Variants in RORA observed in about 807,000 individuals in gnomAD.
RORA encodes the protein nuclear receptor ROR-alpha.
A neutral mutation model predicts 69.5 loss-of-function variants in RORA; 7 were observed. That is an observed-to-expected ratio of 0.10 (90% CI 0.06 to 0.19). The LOEUF (loss-of-function observed/expected upper bound fraction) is 0.19. Among genes scored for constraint, RORA ranks in the 10% least tolerant of loss-of-function variants. The pLI, the probability that RORA is intolerant of heterozygous loss-of-function variation, is 1.00. For synonymous variants in RORA, 261 were observed against 240.8 expected, an observed-to-expected ratio of 1.08 and a Z score of -0.78; for missense variants, 457 against 663.0, an observed-to-expected ratio of 0.69 and a Z score of 3.41.
rs1008359950 is a variant in RORA, at chr15:61,095,627, A to T, written c.166+133426T>A. Among the ~76,000 whole-genome samples the T allele has an allele frequency of 2.6e-5, 4 of 152,210 alleles. No individual in the cohort carries two copies. In the South Asian group the frequency reaches 6.2e-4, roughly 24 times the overall value. Reference sequence around the variant, plus strand: ...GGACACAAAATCTAAAAGTATATAAACTAGAGGTTTTGAGCACTTTTTAAA... The same window carrying T: ...GGACACAAAATCTAAAAGTATATAATCTAGAGGTTTTGAGCACTTTTTAAA... On this transcript the variant is annotated intron_variant, in intron 1 of 10. Coordinates refer to ENST00000335670, the MANE Select transcript of RORA (RefSeq NM_134261.3).
chr15:60,861,078 C>T lies in RORA; in HGVS notation c.167-182392G>A, dbSNP rs117020250. Among the ~76,000 whole-genome samples, 168 of 152,256 alleles carry T rather than the reference C, an allele frequency of 1.1e-3. 1 individual carries two copies. The highest frequency in any genetic ancestry group is 5.2e-3 in the East Asian group (27 of 5,190). ...ATGCTCCAGCTTAGATCTCTGAAAACGACCTTTTGGCTGTTACTGAGGATG... is the reference window on the plus strand; with the variant it reads ...ATGCTCCAGCTTAGATCTCTGAAAATGACCTTTTGGCTGTTACTGAGGATG... On this transcript the variant is annotated intron_variant, in intron 1 of 10. Transcript: ENST00000335670.
chr15:61,178,977 A>G (rs1049474007), intron 1 of RORA, among the ~76,000 whole-genome samples: 6 of 152,214 alleles, frequency 3.9e-5, no homozygotes, highest in Non-Finnish European at 8.8e-5. Context: ...GTACAAAGAA[A>G]ATCTAAACAC....
intron 2 of RORA, among the ~76,000 whole-genome samples, chr15:60,538,726 G>C (rs10519053): frequency 0.048 from 7,374 of 152,060 alleles, 634 homozygotes; most frequent in African/African-American, 0.17. Flanking sequence ...GGCTTGTACG[G>C]TCTTGTCGGG....
At chr15:61,031,959 C>A (rs531243666) in intron 1 of RORA, among the ~76,000 whole-genome samples, 1 of 152,284 alleles carries the variant, frequency 6.6e-6, no homozygotes, top group South Asian at 2.1e-4. Flanking sequence ...GTTCCTCCTA[C>A]CTAATCTGCC....
chr15:61,197,888 A>G (rs569828452), intron 1 of RORA, among the ~76,000 whole-genome samples: 2 of 105,058 alleles, frequency 1.9e-5, no homozygotes, highest in Admixed American at 1.7e-4. Flanking sequence ...TGAAGGGAAG[A>G]TCCCTCCCAG....
Position 61,229,252 on chromosome 15 carries a change from C to T in RORA, c.-34G>A. 1 of 1,199,096 alleles carries T rather than the reference C, an allele frequency of 8.3e-7. No homozygotes were observed. Among genetic ancestry groups the T allele is most frequent in the Admixed American group, 3.5e-5 (1 of 28,414 alleles). 74.3% of individuals were successfully genotyped at this position (1,199,096 alleles called of 1,614,324 possible). ...CCAATGTAGAGATCGCTGGAGATGGCGAGCTCCGAGACTCCCTCTATCTTC... is the reference window on the plus strand; with the variant it reads ...CCAATGTAGAGATCGCTGGAGATGGTGAGCTCCGAGACTCCCTCTATCTTC... On this transcript the variant is annotated 5_prime_UTR_variant, in exon 1 of 11. Transcript: ENST00000335670.
chr15:60,555,154 C>T (rs2067322134), intron 2 of RORA, among the ~76,000 whole-genome samples: 1 of 152,164 alleles, frequency 6.6e-6, no homozygotes, highest in South Asian at 2.1e-4. Context: ...AATGGCCTTT[C>T]TGTATGTCAG....
intron 4 of RORA, among the ~76,000 whole-genome samples, chr15:60,513,864 A>G (rs2065780665): frequency 6.6e-6 from 1 of 152,190 alleles, no homozygotes. Context: ...TTTTCCTTCA[A>G]AGGGATCTCT....
At chr15:60,558,183 T>A (rs1430879057) in intron 2 of RORA, 1 of 1,385,054 alleles carries the variant, frequency 7.2e-7, no homozygotes, top group Non-Finnish European at 1.0e-6. Context: ...CTCCATGGTC[T>A]CTGGATGGAG....
At chr15:60,601,425 G>T (rs1428528419) in intron 2 of RORA, among the ~76,000 whole-genome samples, 3 of 152,046 alleles carry the variant, frequency 2.0e-5, no homozygotes, top group African/African-American at 7.2e-5. Context: ...CTTGAGGGAA[G>T]TTTATTTTGT....
In RORA at chr15:60,511,273, G is replaced by A. The variant is rs200220645; in HGVS notation, c.773C>T (p.Ser258Leu). ...TGGGGAAGTCTCGCCGTTGGTGAAC[G>A]AACAGTAGGGAAAGAAGCCTGATGC... ...TPASGFFPYC[S>L]FTNGETSPTV... The change falls in exon 5 of 11, where the codon TCG becomes TTG. Residue 258 changes from serine (S) to leucine (L), a missense_variant. Around this residue, in one of 3 missense-constraint regions of RORA, gnomAD observed 304 missense variants for 447.4 expected, o/e 0.68. Coordinates refer to ENST00000335670, the MANE Select transcript of RORA (RefSeq NM_134261.3). The surrounding 1 kb of genome is among the most constrained non-coding windows in gnomAD (Gnocchi z 6.4). 26 of 1,613,998 alleles carry A rather than the reference G, an allele frequency of 1.6e-5. No homozygotes were observed. The highest frequency in any genetic ancestry group is 4.5e-5 in the East Asian group (2 of 44,896).
intron 1 of RORA, among the ~76,000 whole-genome samples, chr15:60,717,796 C>CTTTT (rs10653856): frequency 0.01 from 956 of 91,898 alleles, 17 homozygotes; most frequent in East Asian, 0.022. Context: ...TTCTTTTTCT[C>CTTTT]TTTTTTTTTT....
intron 1 of RORA, among the ~76,000 whole-genome samples, chr15:60,790,437 T>C (rs1595716808): frequency 6.6e-6 from 1 of 152,220 alleles, no homozygotes; most frequent in Non-Finnish European, 1.5e-5. Flanking sequence ...AGTGGAAAGC[T>C]GTATTTCCTT....
chr15:60,715,342 A>G (rs776469084), intron 1 of RORA, among the ~76,000 whole-genome samples: 2 of 152,222 alleles, frequency 1.3e-5, no homozygotes, highest in Non-Finnish European at 2.9e-5. Context: ...TTTGAACACA[A>G]TGATGTGGCA....
intron 1 of RORA, among the ~76,000 whole-genome samples, chr15:60,791,051 A>G (rs1162814252): frequency 6.6e-6 from 1 of 150,666 alleles, no homozygotes; most frequent in Non-Finnish European, 1.5e-5. Flanking sequence ...GTTTATTGGG[A>G]AGAAAATGCA....
At chr15:61,091,216 A>G (rs2078701987) in intron 1 of RORA, among the ~76,000 whole-genome samples, 1 of 152,208 alleles carries the variant, frequency 6.6e-6, no homozygotes. Context: ...TGCTGAATAA[A>G]GGAAAAGTAA....
At chr15:60,514,046 G>A (rs987946103) in intron 4 of RORA, among the ~76,000 whole-genome samples, 6 of 152,114 alleles carry the variant, frequency 3.9e-5, no homozygotes, top group African/African-American at 9.7e-5. Flanking sequence ...AATGGTAGAC[G>A]GTCTCTATTC....
intron 1 of RORA, among the ~76,000 whole-genome samples, chr15:60,855,641 C>A (rs1376729068): frequency 6.6e-6 from 1 of 150,798 alleles, no homozygotes; most frequent in African/African-American, 2.5e-5. Flanking sequence ...TTTAATGAAA[C>A]TAAGTCTCGC....
intron 1 of RORA, among the ~76,000 whole-genome samples, chr15:61,122,541 T>C (rs1015734796): frequency 1.3e-5 from 2 of 152,232 alleles, no homozygotes; most frequent in Non-Finnish European, 2.9e-5. Context: ...ATTTTATATA[T>C]GGCTGTATAA....
Sources: gnomAD v4.1 joint callset for allele counts (sites outside exome capture counted in the v4.1 genomes callset) on GRCh38, gnomAD v4.1.1 for gene constraint, gnomAD v4.1.1 regional missense constraint, Gnocchi (gnomAD v3.1) non-coding constraint, MANE v1.5 for transcripts, NCBI Gene and HGNC (gene_info 2026-07-23, HGNC 2026-07-21) for gene names.